TAAR8: variants seen among roughly 807,000 people sequenced by gnomAD.
The protein encoded by TAAR8 is trace amine associated receptor 8, also known as trace amine-associated receptor 8.
For synonymous variants in TAAR8, 157 were observed against 152.7 expected (o/e 1.03, Z -0.21); for missense variants, 459 against 405.8 (o/e 1.13, Z -1.13).
At chr6:132,553,033 T>C (rs1776402794) in exon 1 of TAAR8, 1 of 1,614,082 alleles carries the variant, frequency 6.2e-7, no homozygotes, top group Non-Finnish European at 8.5e-7. Flanking sequence ...GATGTGGCAT[T>C]TTGTTACTCT....
exon 1 of TAAR8, chr6:132,552,890 C>A (rs1246888277): frequency 1.9e-6 from 3 of 1,614,208 alleles, no homozygotes; most frequent in South Asian, 2.2e-5. Flanking sequence ...ACTCTCCAAC[C>A]AATTTTCTCA....
exon 1 of TAAR8, chr6:132,552,708 T>A: frequency 6.2e-7 from 1 of 1,606,540 alleles, no homozygotes; most frequent in Non-Finnish European, 8.5e-7. Flanking sequence ...CAGCAATTTT[T>A]CCCAACCTGT....
At chr6:132,552,828 G>A in exon 1 of TAAR8, 2 of 1,614,200 alleles carry the variant, frequency 1.2e-6, no homozygotes, top group Middle Eastern at 1.6e-4. Flanking sequence ...TTTGCTGGCT[G>A]TATTTGGAAA....
exon 1 of TAAR8, chr6:132,553,608 A>C (rs370166923): frequency 1.2e-6 from 2 of 1,613,990 alleles, no homozygotes; most frequent in African/African-American, 2.7e-5. Context: ...CTCAGCCATG[A>C]ATCCTTTGAT....
exon 1 of TAAR8, chr6:132,553,469 G>T (rs1382041917): frequency 6.2e-7 from 1 of 1,614,134 alleles, no homozygotes; most frequent in South Asian, 1.1e-5. Flanking sequence ...CTAAAACCCT[G>T]GGGGTCACGG....
chr6:132,553,676 T>C (rs766293571), exon 1 of TAAR8: 2 of 1,609,728 alleles, frequency 1.2e-6, no homozygotes, highest in East Asian at 2.2e-5. Flanking sequence ...TAAGTGGAGA[T>C]GTTTTAAAGG....
exon 1 of TAAR8, chr6:132,552,796 A>T: frequency 6.2e-7 from 1 of 1,614,162 alleles, no homozygotes; most frequent in Non-Finnish European, 8.5e-7. Context: ...GTAATTCTGT[A>T]CACGGCGTTT....
rs550876037 is a variant in TAAR8 at position 132,553,246 on chromosome 6, G to T, written c.554G>T (p.Cys185Phe). The T allele has an allele frequency of 1.1e-5, 17 of 1,614,180 alleles. No homozygotes were observed. The South Asian group carries it at 1.6e-4, about 16-fold the overall frequency. ...GAGGAATTAGTAAGTGCTCTCAACT[G>T]CGTAGGTGGCTGTCAAATTATTGTA... is the stretch of plus-strand genomic sequence containing the variant. Residue 185 changes from cysteine to phenylalanine, a missense_variant, in exon 1 of 1, where the codon TGC becomes TTC. By Grantham distance (205) the Cys-to-Phe change is radical. Coordinates refer to ENST00000275200, the Ensembl canonical transcript of TAAR8.
At chr6:132,553,118 G>A (rs1397123929) in exon 1 of TAAR8, 2 of 1,614,186 alleles carry the variant, frequency 1.2e-6, no homozygotes, top group Non-Finnish European at 1.7e-6. Flanking sequence ...ATGCTACCAA[G>A]TTCACCGTGT....
chr6:132,553,187 T>C, exon 1 of TAAR8: 1 of 1,614,176 alleles, frequency 6.2e-7, no homozygotes, highest in Non-Finnish European at 8.5e-7. Flanking sequence ...ACAGCGGTGC[T>C]GTGTTCTACA....
At chr6:132,553,315 C>T in exon 1 of TAAR8, 1 of 1,614,106 alleles carries the variant, frequency 6.2e-7, no homozygotes, top group Non-Finnish European at 8.5e-7. Context: ...TTCTTCATAC[C>T]TACCCTTGTT....
chr6:132,553,346 G>T, exon 1 of TAAR8: 1 of 1,613,978 alleles, frequency 6.2e-7, no homozygotes, highest in Non-Finnish European at 8.5e-7. Flanking sequence ...TTTACAGTAA[G>T]ATTTTTCTTA....
exon 1 of TAAR8, chr6:132,553,690 G>A: frequency 1.3e-6 from 2 of 1,589,468 alleles, no homozygotes; most frequent in South Asian, 1.2e-5. Flanking sequence ...TTAAAGGCTA[G>A]TTCATCAACC....
exon 1 of TAAR8, chr6:132,553,207 A>C: frequency 6.2e-7 from 1 of 1,614,206 alleles, no homozygotes; most frequent in Non-Finnish European, 8.5e-7. Context: ...ACAGGTGTCA[A>C]TGATGATGGG....
At chr6:132,552,993 G>A in exon 1 of TAAR8, 2 of 1,614,178 alleles carry the variant, frequency 1.2e-6, no homozygotes, top group Non-Finnish European at 1.7e-6. Flanking sequence ...GTATTTTGGA[G>A]CCAAATTTTG....
At chr6:132,553,138 G>A in exon 1 of TAAR8, 1 of 1,614,168 alleles carries the variant, frequency 6.2e-7, no homozygotes, top group Non-Finnish European at 8.5e-7. Context: ...TCTGTGTCGG[G>A]AATTTGCATC....
At position 132,552,801 on chromosome 6, in the gene TAAR8, G is replaced by C. The variant is rs747344572; in HGVS notation, c.109G>C (p.Ala37Pro). The change falls in exon 1 of 1, where the codon GCG (alanine) becomes CCG (proline). Residue 37 changes from alanine to proline, a missense_variant. By Grantham distance (27) the Ala-to-Pro change is conservative. Coordinates refer to ENST00000275200, the Ensembl canonical transcript of TAAR8. ...TGGGTCCCGGGTAATTCTGTACACG[G>C]CGTTTAGCTTTGGGTCTTTGCTGGC... 2 of 1,614,098 alleles carry C rather than the reference G, an allele frequency of 1.2e-6. No individual in the cohort carries two copies.
exon 1 of TAAR8, chr6:132,553,009 T>G (rs1229677753): frequency 6.2e-7 from 1 of 1,614,242 alleles, no homozygotes; most frequent in Non-Finnish European, 8.5e-7. Flanking sequence ...TTTTGTACTC[T>G]TCACAGTTGC....
exon 1 of TAAR8, chr6:132,553,228 T>C: frequency 6.2e-7 from 1 of 1,614,192 alleles, no homozygotes; most frequent in South Asian, 1.1e-5. Flanking sequence ...CTGGAGGAAT[T>C]AGTAAGTGCT....
Sources: gnomAD v4.1 joint callset for allele counts on GRCh38, gnomAD v4.1.1 for gene constraint, MANE v1.5 for transcripts, NCBI Gene and HGNC (gene_info 2026-07-23, HGNC 2026-07-21) for gene names.